Variants in VMP1 observed in about 807,000 individuals in gnomAD.
The protein encoded by VMP1 is ectopic P-granules autophagy protein 3 homolog.
VMP1 carries 11 observed loss-of-function variants against 56.0 expected under a neutral mutation model. The ratio of observed to expected loss-of-function variants is 0.20; its 90% confidence interval spans 0.12 to 0.32. VMP1 has a LOEUF of 0.32. VMP1 is among the 10% of genes least tolerant of loss of function. The pLI is 1.00. For synonymous variants in VMP1, 149 were observed against 165.0 expected (o/e 0.90, Z 0.74); for missense variants, 296 against 490.3 (o/e 0.60, Z 3.74).
chr17:59,760,035 A>G (rs760890451), intron 5 of VMP1, among the ~76,000 whole-genome samples: 2 of 149,766 alleles, frequency 1.3e-5, no homozygotes, highest in Non-Finnish European at 3.0e-5. Context: ...CTGAGGTAGA[A>G]TCTCATGAGC....
Position 59,766,393 on chromosome 17 carries a change from A to C in VMP1, c.582+1255A>C, listed in dbSNP as rs148293695. Among the ~76,000 whole-genome samples the C allele has an allele frequency of 8.8e-4, 134 of 152,260 alleles. 2 individuals carry two copies. In the East Asian group the frequency reaches 0.024, roughly 27 times the overall value. ...GTGGCGCATACCTGTCATCTCAGCT[A>C]CTGGGGATGCTGAGGCATGAGAATT... On this transcript the variant is annotated intron_variant, in intron 6 of 11. Coordinates refer to ENST00000262291, the MANE Select transcript of VMP1 (RefSeq NM_030938.5).
At chr17:59,837,311 AG>A (rs2144350473) in intron 10 of VMP1, among the ~76,000 whole-genome samples, 1 of 152,324 alleles carries the variant, frequency 6.6e-6, no homozygotes, top group Admixed American at 6.5e-5. Flanking sequence ...GCTCTAAGAA[AG>A]AGTTTGAACT....
At chr17:59,798,722 A>T (rs1344839273) in intron 7 of VMP1, among the ~76,000 whole-genome samples, 1 of 152,152 alleles carries the variant, frequency 6.6e-6, no homozygotes, top group Non-Finnish European at 1.5e-5. Context: ...CCCCGTCTCC[A>T]CTAAAAATAC....
At position 59,782,365 on chromosome 17, in the gene VMP1, AAT is replaced by A. The variant is rs372368310; in HGVS notation, c.714+8483_714+8484del. On this transcript the variant is annotated intron_variant, in intron 7 of 11. Coordinates refer to ENST00000262291, the MANE Select transcript of VMP1 (RefSeq NM_030938.5). ...CCAACACTATTTTCCAAGTGATTTT[AAT>A]ATGTTAGTTTTGTCTTATATTTTGT... Among the ~76,000 whole-genome samples, 201 of 152,248 alleles carry A rather than the reference AAT, an allele frequency of 1.3e-3. 1 individual carries two copies. The highest frequency in any genetic ancestry group is 4.7e-3 in the African/African-American group (194 of 41,548).
At chr17:59,721,956 G>A (rs941787976) in intron 1 of VMP1, among the ~76,000 whole-genome samples, 6 of 152,236 alleles carry the variant, frequency 3.9e-5, no homozygotes, top group Admixed American at 3.9e-4. Flanking sequence ...TCTCTTCCTG[G>A]CTTACAGACA....
At chr17:59,768,950 A>G (rs1161521118) in intron 6 of VMP1, among the ~76,000 whole-genome samples, 2 of 151,696 alleles carry the variant, frequency 1.3e-5, no homozygotes. Context: ...GTGAAAGTTC[A>G]TCTCTACCAA....
intron 5 of VMP1, among the ~76,000 whole-genome samples, chr17:59,764,376 T>C (rs1255435326): frequency 6.6e-6 from 1 of 152,172 alleles, no homozygotes; most frequent in Non-Finnish European, 1.5e-5. Context: ...TTGTCCAGAC[T>C]GGAGTGCAGT....
intron 10 of VMP1, among the ~76,000 whole-genome samples, chr17:59,833,679 C>T (rs941506173): frequency 6.6e-6 from 1 of 152,160 alleles, no homozygotes; most frequent in Non-Finnish European, 1.5e-5. Context: ...TGTACTCTAT[C>T]AGCTAAAATG....
intron 1 of VMP1, among the ~76,000 whole-genome samples, chr17:59,714,817 C>T (rs2034088600): frequency 6.6e-6 from 1 of 151,934 alleles, no homozygotes; most frequent in African/African-American, 2.4e-5. Context: ...CCACAGATAC[C>T]ATGAGGTGCA....
intron 1 of VMP1, among the ~76,000 whole-genome samples, chr17:59,717,626 T>C (rs763692010): frequency 8.5e-5 from 13 of 152,096 alleles, no homozygotes; most frequent in Non-Finnish European, 1.0e-4. Flanking sequence ...CAAACGATCC[T>C]CCTACCTCCC....
intron 1 of VMP1, among the ~76,000 whole-genome samples, chr17:59,722,700 C>T (rs543888499): frequency 1.7e-4 from 26 of 152,176 alleles, no homozygotes; most frequent in African/African-American, 5.3e-4. Flanking sequence ...AAAAATTAGC[C>T]GGGCATGGGG....
chr17:59,794,900 A>C (rs2037379997), intron 7 of VMP1, among the ~76,000 whole-genome samples: 1 of 152,046 alleles, frequency 6.6e-6, no homozygotes, highest in South Asian at 2.1e-4. Context: ...CCTCCTAAAG[A>C]ACAAGCATTC....
At chr17:59,731,173 T>A (rs962665297) in intron 1 of VMP1, among the ~76,000 whole-genome samples, 2 of 152,192 alleles carry the variant, frequency 1.3e-5, no homozygotes, top group African/African-American at 4.8e-5. Flanking sequence ...CTGAAATAAC[T>A]ACTAGGAAAA....
intron 8 of VMP1, among the ~76,000 whole-genome samples, chr17:59,810,506 T>G (rs1466500294): frequency 6.6e-6 from 1 of 152,134 alleles, no homozygotes; most frequent in African/African-American, 2.4e-5. Flanking sequence ...AGTTGGAACC[T>G]TATGATAAAG....
chr17:59,765,302 A>G (rs2036192234), intron 6 of VMP1, among the ~76,000 whole-genome samples, 164 bp downstream of exon 6: 1 of 152,210 alleles, frequency 6.6e-6, no homozygotes, highest in Non-Finnish European at 1.5e-5. Flanking sequence ...AGCATCTCCT[A>G]TTCATGAATG....
At chr17:59,802,616 A>C (rs1292235326) in intron 7 of VMP1, among the ~76,000 whole-genome samples, 1 of 152,190 alleles carries the variant, frequency 6.6e-6, no homozygotes, top group Non-Finnish European at 1.5e-5. Flanking sequence ...CCCAGGCTGT[A>C]GTGCAGTGGC....
chr17:59,733,543 CA>C (rs928212153), intron 2 of VMP1, among the ~76,000 whole-genome samples: 1 of 149,978 alleles, frequency 6.7e-6, no homozygotes, highest in Non-Finnish European at 1.5e-5. Context: ...ACTAAAAATA[CA>C]AAAAAAAACT....
chr17:59,832,569 A>C (rs1470573234), intron 10 of VMP1, among the ~76,000 whole-genome samples: 1 of 125,998 alleles, frequency 7.9e-6, no homozygotes, highest in Non-Finnish European at 1.7e-5. Context: ...ACAAAATTGT[A>C]GTTATTTGTT....
At chr17:59,771,032 G>T (rs768615648) in intron 6 of VMP1, among the ~76,000 whole-genome samples, 1 of 149,288 alleles carries the variant, frequency 6.7e-6, no homozygotes, top group African/African-American at 2.5e-5. Context: ...ATAGCCTTGT[G>T]TATTTCTATC....
Sources: allele counts gnomAD v4.1 joint callset (sites outside exome capture counted in the v4.1 genomes callset), GRCh38; gene constraint gnomAD v4.1.1; transcripts MANE v1.5; gene names NCBI Gene and HGNC (gene_info 2026-07-23, HGNC 2026-07-21).